HCRTR2: variants seen among roughly 807,000 people sequenced by gnomAD.
The protein encoded by HCRTR2 is hypocretin receptor 2, also known as orexin receptor type 2.
HCRTR2 carries 22 observed loss-of-function variants against 49.0 expected under a neutral mutation model. The observed-to-expected ratio is 0.45, with a 90% confidence interval of 0.32 to 0.64. The LOEUF is 0.64. Among genes scored for constraint, HCRTR2 ranks in the 30% least tolerant of loss-of-function variants. HCRTR2 has a pLI of 0.04. For synonymous variants in HCRTR2, 236 were observed against 205.3 expected (o/e 1.15, Z -1.28); for missense variants, 491 against 559.4 (o/e 0.88, Z 1.23).
At chr6:55,108,682 A>G (rs1764008226) in intron 1 of HCRTR2, among the ~76,000 whole-genome samples, 1 of 152,010 alleles carries the variant, frequency 6.6e-6, no homozygotes, top group Non-Finnish European at 1.5e-5. Flanking sequence ...CAGGGAACCC[A>G]TTTCTGACTT....
chr6:55,271,644 A>C lies in HCRTR2; in HGVS notation c.763-5736A>C, dbSNP rs188055163. Among the ~76,000 whole-genome samples, 502 of 152,266 alleles carry C rather than the reference A, an allele frequency of 3.3e-3. 4 individuals are homozygous for C. The highest frequency in any genetic ancestry group is 5.4e-3 in the Admixed American group (82 of 15,284). ...TTGCAAATCATATATGTGTTAAGGAATTTGTATCCAGAATATACAAAGAAC... is the reference window on the plus strand; with the variant it reads ...TTGCAAATCATATATGTGTTAAGGACTTTGTATCCAGAATATACAAAGAAC... On this transcript the variant is annotated intron_variant, in intron 4 of 6. Transcript: ENST00000370862.
intron 1 of HCRTR2, among the ~76,000 whole-genome samples, chr6:55,206,700 A>C (rs894921206): frequency 1.3e-5 from 2 of 152,084 alleles, no homozygotes; most frequent in African/African-American, 2.4e-5. Context: ...GGCCAAATAA[A>C]GGTATGTGAC....
chr6:55,227,122 G>A (rs1766024010), intron 1 of HCRTR2, among the ~76,000 whole-genome samples: 2 of 146,918 alleles, frequency 1.4e-5, no homozygotes, highest in Admixed American at 6.8e-5. Flanking sequence ...AACCCTTGCA[G>A]TATTCTATGA....
At chr6:55,235,637 G>C (rs1766199720) in intron 1 of HCRTR2, among the ~76,000 whole-genome samples, 1 of 151,762 alleles carries the variant, frequency 6.6e-6, no homozygotes, top group Non-Finnish European at 1.5e-5. Context: ...TAAGTAACCT[G>C]GAATTTATGT....
At chr6:55,131,196 G>A (rs1764350547) in intron 1 of HCRTR2, among the ~76,000 whole-genome samples, 2 of 151,678 alleles carry the variant, frequency 1.3e-5, no homozygotes, top group African/African-American at 2.4e-5. Context: ...TTAGGGATCA[G>A]TTGAGTGGTT....
chr6:55,113,072 C>A (rs1299252756), intron 1 of HCRTR2, among the ~76,000 whole-genome samples: 1 of 151,996 alleles, frequency 6.6e-6, no homozygotes, highest in East Asian at 1.9e-4. Flanking sequence ...AACTGGCAAG[C>A]CACATGTAGA....
intron 4 of HCRTR2, among the ~76,000 whole-genome samples, chr6:55,269,997 A>G (rs1766941563): frequency 6.6e-6 from 1 of 152,170 alleles, no homozygotes; most frequent in Admixed American, 6.5e-5. Context: ...AAACATGTAT[A>G]TTTAGGGAAT....
chr6:55,240,274 C>A lies in HCRTR2; in HGVS notation c.224-8365C>A, dbSNP rs143160267. Among the ~76,000 whole-genome samples the A allele has an allele frequency of 7.6e-3, 1,013 of 133,180 alleles. 9 individuals carry two copies. Among genetic ancestry groups the A allele is most frequent in the African/African-American group, 0.027 (977 of 35,920 alleles). The allele number at this position is 133,180 out of a possible 152,430, so 87.4% of individuals were successfully genotyped here. A position where few individuals can be genotyped will look rare whatever the true frequency, so the allele number is the denominator to read the frequency against. ...TCAGGAGGCTGAGGCAGGAGAATGG[C>A]GTGAACCCGGGAGGCGGAGCTTGCA... On this transcript the variant is annotated intron_variant, in intron 1 of 6. Transcript: ENST00000370862.
upstream of HCRTR2, among the ~76,000 whole-genome samples, chr6:55,170,709 A>C: frequency 1.4e-5 from 2 of 142,386 alleles, no homozygotes; most frequent in Admixed American, 7.1e-5. Flanking sequence ...CATTAGGTAT[A>C]TCTCCTAATG....
intron 4 of HCRTR2, among the ~76,000 whole-genome samples, chr6:55,271,203 A>G (rs1303854592): frequency 6.6e-6 from 1 of 152,190 alleles, no homozygotes; most frequent in Admixed American, 6.6e-5. Context: ...AGTCATATAG[A>G]TCAGTGGAAT....
At chr6:55,214,925 G>A (rs753800658) in intron 1 of HCRTR2, among the ~76,000 whole-genome samples, 10 of 151,964 alleles carry the variant, frequency 6.6e-5, no homozygotes, top group Non-Finnish European at 1.3e-4. Context: ...CTAAAAAAGA[G>A]TGAAGAAACC....
chr6:55,118,978 C>T (rs1296071294), intron 1 of HCRTR2, among the ~76,000 whole-genome samples: 2 of 151,870 alleles, frequency 1.3e-5, no homozygotes, highest in East Asian at 1.9e-4. Context: ...TGATGTTTCC[C>T]TCCCTGTGTT....
chr6:55,275,162 G>T (rs897669733), intron 4 of HCRTR2, among the ~76,000 whole-genome samples: 2 of 152,078 alleles, frequency 1.3e-5, no homozygotes, highest in African/African-American at 2.4e-5. Context: ...AGGTTTTAAG[G>T]TCCATCATGT....
In HCRTR2 at chr6:55,175,876, G is replaced by T. The variant is rs116321793; in HGVS notation, c.223+1066G>T. Among the ~76,000 whole-genome samples, 728 of 152,260 alleles carry T rather than the reference G, an allele frequency of 4.8e-3. 1 individual carries two copies. Among genetic ancestry groups the T allele is most frequent in the Non-Finnish European group, 6.6e-3 (448 of 68,032 alleles). ...ATGAATGAAGAGTAGAAGGCTGGGAGACTTTTCACATGCAGAGGGCAGTGT... is the reference window on the plus strand; with the variant it reads ...ATGAATGAAGAGTAGAAGGCTGGGATACTTTTCACATGCAGAGGGCAGTGT... On this transcript the variant is annotated intron_variant, in intron 1 of 6. Coordinates refer to ENST00000370862, the MANE Select transcript of HCRTR2 (RefSeq NM_001384272.1).
chr6:55,221,353 A>C (rs1765886347), intron 1 of HCRTR2, among the ~76,000 whole-genome samples: 1 of 152,216 alleles, frequency 6.6e-6, no homozygotes, highest in African/African-American at 2.4e-5. Context: ...AAACCAGCAT[A>C]GCGAGCCCAG....
chr6:55,262,687 A>G (rs1021810096), intron 3 of HCRTR2, among the ~76,000 whole-genome samples: 1 of 141,774 alleles, frequency 7.1e-6, no homozygotes, highest in Non-Finnish European at 1.5e-5. Context: ...AATATATATT[A>G]TGTAGGGAAT....
intron 1 of HCRTR2, among the ~76,000 whole-genome samples, chr6:55,158,507 G>T (rs1764761132): frequency 6.6e-6 from 1 of 152,168 alleles, no homozygotes; most frequent in South Asian, 2.1e-4. Flanking sequence ...CAGTGGTCTA[G>T]CTCGGTGGAT....
intron 1 of HCRTR2, among the ~76,000 whole-genome samples, chr6:55,130,964 C>G (rs894475068): frequency 4.0e-5 from 6 of 151,766 alleles, no homozygotes; most frequent in Non-Finnish European, 8.9e-5. Context: ...CCAGAAGGAA[C>G]TGGAAAGAAC....
intron 3 of HCRTR2, among the ~76,000 whole-genome samples, chr6:55,259,252 G>A (rs1293232274): frequency 1.3e-5 from 2 of 151,048 alleles, no homozygotes; most frequent in African/African-American, 4.9e-5. Flanking sequence ...CATTTTTACA[G>A]TCAAAGTAAT....
Sources: gnomAD v4.1 joint callset for allele counts (sites outside exome capture counted in the v4.1 genomes callset) on GRCh38, gnomAD v4.1.1 for gene constraint, MANE v1.5 for transcripts, NCBI Gene and HGNC (gene_info 2026-07-23, HGNC 2026-07-21) for gene names.